CALN1: variants seen among roughly 807,000 people sequenced by gnomAD.
The protein encoded by CALN1 is calneuron 1.
Under a neutral mutation model 30.6 loss-of-function variants are expected in CALN1, and 17 were observed. The observed-to-expected ratio is 0.56, with a 90% CI of 0.38 to 0.83. CALN1 has a LOEUF of 0.83. Among genes scored for constraint, CALN1 ranks in the 40% least tolerant of loss-of-function variants. The pLI, the probability that CALN1 is intolerant of heterozygous loss-of-function variation, is 0.00. For missense variants in CALN1, 291 were observed against 354.9 expected (o/e 0.82, Z 1.45); for synonymous variants, 156 against 131.4 (o/e 1.19, Z -1.28).
chr7:72,250,760 CCAT>C (rs1048553741), intron 3 of CALN1, among the ~76,000 whole-genome samples: 2 of 152,142 alleles, frequency 1.3e-5, no homozygotes, highest in Admixed American at 6.6e-5. Context: ...CCTCTTCCCA[CCAT>C]GAGTAAAAGC....
chr7:72,422,244 G>A (rs898345485), intron 1 of CALN1, among the ~76,000 whole-genome samples: 10 of 152,224 alleles, frequency 6.6e-5, no homozygotes, highest in East Asian at 3.9e-4. Context: ...TTACATTCCC[G>A]CCAGCAGTGT....
At chr7:72,139,203 T>A (rs901766504) in intron 3 of CALN1, among the ~76,000 whole-genome samples, 1 of 152,148 alleles carries the variant, frequency 6.6e-6, no homozygotes, top group East Asian at 1.9e-4. Context: ...ATCCATCCCC[T>A]CTTTGATGTC....
Position 72,429,021 on chromosome 7 carries a change from C to T in CALN1, c.-225-16746G>A, listed in dbSNP as rs527488628. ...ATAGACATTTCAGCTGCTGTCCGGC[C>T]TGGCTAACTTGGTACTAAAACAAAA... On this transcript the variant is annotated intron_variant, in intron 1 of 6. Coordinates refer to the CALN1 transcript ENST00000395276. Among the ~76,000 whole-genome samples the T allele has an allele frequency of 3.3e-5, 5 of 152,312 alleles. No homozygotes were observed. The East Asian group carries it at 9.7e-4, about 29-fold the overall frequency.
intron 5 of CALN1, among the ~76,000 whole-genome samples, chr7:71,941,588 T>G (rs1796133877): frequency 6.6e-6 from 1 of 152,038 alleles, no homozygotes. Context: ...CTTAGAGAAA[T>G]GCAAATGAAA....
chr7:72,053,803 C>A lies in CALN1; in HGVS notation c.389-30034G>T. 1.3e-5 allele frequency among the ~76,000 whole-genome samples: 2 copies of A among 151,518 alleles called. 1 individual carries two copies. Among genetic ancestry groups the A allele is most frequent in the African/African-American group, 4.9e-5 (2 of 41,176 alleles). On this transcript the variant is annotated intron_variant, in intron 4 of 6. Coordinates refer to ENST00000395275, the MANE Select transcript of CALN1 (RefSeq NM_031468.4). Reference sequence around the variant, plus strand: ...CCCTCACCCCCCTCCCACCCTTCCCCCCAGGTCCCCAAAGTCCATCGTATC... The same window carrying A: ...CCCTCACCCCCCTCCCACCCTTCCCACCAGGTCCCCAAAGTCCATCGTATC...
intron 5 of CALN1, among the ~76,000 whole-genome samples, chr7:72,014,241 C>G (rs1222729685): frequency 6.6e-6 from 1 of 151,990 alleles, no homozygotes; most frequent in African/African-American, 2.4e-5. Flanking sequence ...TGTGCGCCAC[C>G]ACGCCCAGCT....
chr7:72,487,707 GAAAAGA>G, the CALN1 span, among the ~76,000 whole-genome samples: 310 of 65,800 alleles, frequency 4.7e-3, no homozygotes, highest in African/African-American at 6.6e-3. Flanking sequence ...AGAAAGAAAA[GAAAAGA>G]AAAGAAAGAA....
intron 3 of CALN1, among the ~76,000 whole-genome samples, chr7:72,233,463 C>T (rs1371974551): frequency 5.3e-5 from 8 of 152,082 alleles, no homozygotes; most frequent in Admixed American, 5.2e-4. Flanking sequence ...TGCCTGGAAT[C>T]CCAACAACTC....
At chr7:72,089,689 C>T (rs1227445828) in intron 4 of CALN1, among the ~76,000 whole-genome samples, 2 of 152,056 alleles carry the variant, frequency 1.3e-5, no homozygotes, top group Non-Finnish European at 2.9e-5. Flanking sequence ...TGGCAAAAAT[C>T]AACAGGACTC....
chr7:72,462,545 C>T, the CALN1 span, among the ~76,000 whole-genome samples: 35 of 152,208 alleles, frequency 2.3e-4, no homozygotes, highest in African/African-American at 7.0e-4. Flanking sequence ...CTGATGAGGT[C>T]GAGCAGTAAG....
upstream of CALN1, among the ~76,000 whole-genome samples, chr7:72,413,006 T>C (rs1338181955): frequency 1.3e-5 from 2 of 152,180 alleles, no homozygotes; most frequent in Non-Finnish European, 2.9e-5. Context: ...TAAGCCCACC[T>C]GGAGTAGGCC....
At chr7:72,034,494 GAA>G (rs1162668067) in intron 4 of CALN1, among the ~76,000 whole-genome samples, 1 of 150,726 alleles carries the variant, frequency 6.6e-6, no homozygotes, top group South Asian at 2.1e-4. Flanking sequence ...ATGTGGATTT[GAA>G]AGTCTCCAGG....
chr7:72,403,650 A>G lies in CALN1; in HGVS notation c.-73-208T>C, dbSNP rs114138003. ...TCAATGTCACCAGAGGGTATTGCACAACAAGCCAATAATGGGCTTTTGGAG... is the reference window on the plus strand; with the variant it reads ...TCAATGTCACCAGAGGGTATTGCACGACAAGCCAATAATGGGCTTTTGGAG... On this transcript the variant is annotated intron_variant, in intron 1 of 6. Coordinates refer to ENST00000395275, the MANE Select transcript of CALN1 (RefSeq NM_031468.4). Among the ~76,000 whole-genome samples, 599 of 152,360 alleles carry G rather than the reference A, an allele frequency of 3.9e-3. 7 individuals are homozygous for G. The highest frequency in any genetic ancestry group is 0.014 in the African/African-American group (584 of 41,582).
At chr7:72,048,800 C>G (rs1563009556) in intron 4 of CALN1, among the ~76,000 whole-genome samples, 1 of 150,486 alleles carries the variant, frequency 6.6e-6, no homozygotes, top group Non-Finnish European at 1.5e-5. Flanking sequence ...TTCCTTTTTT[C>G]CTTCCTTCCT....
At chr7:71,864,298 A>G (rs987074166) in intron 5 of CALN1, among the ~76,000 whole-genome samples, 31 of 152,166 alleles carry the variant, frequency 2.0e-4, no homozygotes, top group South Asian at 4.1e-4. Context: ...TGGATAGTAC[A>G]CTGGGTGGGC....
intron 5 of CALN1, among the ~76,000 whole-genome samples, chr7:71,838,517 C>T (rs921405986): frequency 6.6e-6 from 1 of 152,112 alleles, no homozygotes; most frequent in African/African-American, 2.4e-5. Flanking sequence ...GTCTTGAACT[C>T]CTGGGCTCAA....
chr7:72,180,553 G>C (rs1165952482), intron 3 of CALN1, among the ~76,000 whole-genome samples: 1 of 140,904 alleles, frequency 7.1e-6, no homozygotes, highest in Non-Finnish European at 1.5e-5. Flanking sequence ...ATCAACTTGG[G>C]CTATTTGGTT....
chr7:71,931,974 A>G (rs1185193529), intron 5 of CALN1, among the ~76,000 whole-genome samples: 1 of 152,146 alleles, frequency 6.6e-6, no homozygotes, highest in Non-Finnish European at 1.5e-5. Context: ...GCAGTTTGCC[A>G]GTGTGAATGA....
At chr7:72,140,505 G>C (rs1255858620) in intron 3 of CALN1, among the ~76,000 whole-genome samples, 1 of 152,228 alleles carries the variant, frequency 6.6e-6, no homozygotes, top group African/African-American at 2.4e-5. Context: ...CCCACTCAGA[G>C]GAAATCTTGC....
Sources: allele counts gnomAD v4.1 joint callset (sites outside exome capture counted in the v4.1 genomes callset), GRCh38; gene constraint gnomAD v4.1.1; transcripts MANE v1.5; gene names NCBI Gene and HGNC (gene_info 2026-07-23, HGNC 2026-07-21).